CHCHD3: variants seen among roughly 807,000 people sequenced by gnomAD.
The protein encoded by CHCHD3 is coiled-coil-helix-coiled-coil-helix domain containing 3, also known as MICOS complex subunit MIC19.
A neutral mutation model predicts 38.2 loss-of-function variants in CHCHD3; 20 were observed. The ratio of observed to expected loss-of-function variants is 0.52; its 90% CI spans 0.37 to 0.76. CHCHD3 has a LOEUF of 0.76. CHCHD3 is among the 30% of genes least tolerant of loss of function. The pLI, the probability that CHCHD3 is intolerant of heterozygous loss-of-function variation, is 0.00. For synonymous variants in CHCHD3, 82 were observed against 100.0 expected (o/e 0.82, Z 1.07); for missense variants, 245 against 279.2 (o/e 0.88, Z 0.87).
At chr7:132,871,367 G>A (rs571949026) in intron 5 of CHCHD3, among the ~76,000 whole-genome samples, 60 of 152,232 alleles carry the variant, frequency 3.9e-4, no homozygotes, top group African/African-American at 1.3e-3. Flanking sequence ...TTAACAAATA[G>A]TTCTAGGGAC....
chr7:132,814,562 A>G (rs1405489496), intron 6 of CHCHD3, among the ~76,000 whole-genome samples: 1 of 152,240 alleles, frequency 6.6e-6, no homozygotes, highest in Non-Finnish European at 1.5e-5. Context: ...TAAATGCACC[A>G]TGGCTGAATG....
intron 2 of CHCHD3, among the ~76,000 whole-genome samples, chr7:133,029,267 A>G (rs1409822811): frequency 6.6e-6 from 1 of 152,202 alleles, no homozygotes; most frequent in Non-Finnish European, 1.5e-5. Context: ...CCACACAGTT[A>G]CCATTGGGGT....
intron 5 of CHCHD3, among the ~76,000 whole-genome samples, chr7:132,861,108 A>G (rs536975698): frequency 6.6e-6 from 1 of 152,214 alleles, no homozygotes; most frequent in East Asian, 1.9e-4. Context: ...TTGGAAGTAG[A>G]ATCAACAGAA....
chr7:132,978,984 AT>A lies in CHCHD3; in HGVS notation c.252-3699del, dbSNP rs1484458729. On this transcript the variant is annotated intron_variant, in intron 3 of 7. Coordinates refer to ENST00000262570, the MANE Select transcript of CHCHD3 (RefSeq NM_017812.4). ...GTATGGTGACTGTTTAAGAAACCAAATTTTTTGTCATCAGGGAGTTTGGCAG... is the reference window on the plus strand; with the variant it reads ...GTATGGTGACTGTTTAAGAAACCAAATTTTTGTCATCAGGGAGTTTGGCAG... Among the ~76,000 whole-genome samples, 5 of 152,174 alleles carry A rather than the reference AT, an allele frequency of 3.3e-5. No homozygotes were observed. The South Asian group carries it at 1.0e-3, about 32-fold the overall frequency.
chr7:133,034,818 C>A, intron 2 of CHCHD3: 3 of 1,611,682 alleles, frequency 1.9e-6, no homozygotes, highest in Non-Finnish European at 2.5e-6. Context: ...AATGGAGCTG[C>A]TATTGTTGGT....
chr7:132,924,114 T>A (rs1352048648), intron 4 of CHCHD3, among the ~76,000 whole-genome samples: 1 of 152,032 alleles, frequency 6.6e-6, no homozygotes, highest in African/African-American at 2.4e-5. Flanking sequence ...AAATAAGGAA[T>A]AGGAGGCAAA....
chr7:132,924,380 G>A (rs1027941874), intron 4 of CHCHD3, among the ~76,000 whole-genome samples: 2 of 152,014 alleles, frequency 1.3e-5, no homozygotes, highest in Admixed American at 1.3e-4. Flanking sequence ...AAAAAAGCTC[G>A]ATTATTTTTA....
At chr7:132,890,618 A>G (rs1035923404) in intron 4 of CHCHD3, among the ~76,000 whole-genome samples, 1 of 152,216 alleles carries the variant, frequency 6.6e-6, no homozygotes, top group Non-Finnish European at 1.5e-5. Flanking sequence ...TTTAAATGAC[A>G]AAGTTCCTTG....
At chr7:132,951,479 T>C (rs1027850308) in intron 4 of CHCHD3, among the ~76,000 whole-genome samples, 1 of 152,194 alleles carries the variant, frequency 6.6e-6, no homozygotes, top group African/African-American at 2.4e-5. Flanking sequence ...GAAACACATA[T>C]ACGAAGCCAT....
intron 1 of CHCHD3, among the ~76,000 whole-genome samples, chr7:133,071,897 C>G (rs1260847933): frequency 6.6e-6 from 1 of 152,132 alleles, no homozygotes; most frequent in Non-Finnish European, 1.5e-5. Context: ...CCAGAAAAAG[C>G]ATCCCTATAG....
At chr7:133,063,210 C>T (rs1238978912) in intron 2 of CHCHD3, among the ~76,000 whole-genome samples, 1 of 152,132 alleles carries the variant, frequency 6.6e-6, no homozygotes, top group Non-Finnish European at 1.5e-5. Flanking sequence ...AGAGATGAAT[C>T]AAGTAGCACA....
chr7:133,035,681 G>A lies in CHCHD3; in HGVS notation c.170-11054C>T. 1 of 1,613,078 alleles carries A rather than the reference G, an allele frequency of 6.2e-7. No homozygotes were observed. The highest frequency in any genetic ancestry group is 8.5e-7 in the Non-Finnish European group (1 of 1,179,280). ...GAGTACTTCCCCGCAGCTCCTCATT[G>A]CTCACATAGTAGGCAATGGCGTTGC... On this transcript the variant is annotated intron_variant, in intron 2 of 7. Transcript: ENST00000262570. This position sits in a 1 kb window ranked among gnomAD's most constrained non-coding sequence, Gnocchi z 4.7.
At chr7:132,824,581 T>C (rs2117073979) in intron 6 of CHCHD3, among the ~76,000 whole-genome samples, 1 of 152,292 alleles carries the variant, frequency 6.6e-6, no homozygotes, top group South Asian at 2.1e-4. Context: ...CCCAAAGTGC[T>C]GGGATTACAG....
intron 2 of CHCHD3, among the ~76,000 whole-genome samples, chr7:133,045,734 G>A (rs1178763335): frequency 2.0e-5 from 3 of 152,148 alleles, no homozygotes; most frequent in Non-Finnish European, 1.5e-5. Flanking sequence ...AATCGCCAGT[G>A]TTGGAGGTGA....
chr7:132,841,861 G>A (rs1807947199), intron 5 of CHCHD3, among the ~76,000 whole-genome samples: 1 of 152,172 alleles, frequency 6.6e-6, no homozygotes, highest in African/African-American at 2.4e-5. Context: ...ACTTTGGGAG[G>A]CAGAGGCGGG....
intron 4 of CHCHD3, among the ~76,000 whole-genome samples, chr7:132,893,100 C>A (rs1015768128): frequency 1.3e-5 from 2 of 152,172 alleles, no homozygotes; most frequent in Non-Finnish European, 2.9e-5. Flanking sequence ...GCACAGTGCA[C>A]CTGGAAACGT....
At chr7:132,800,588 A>G (rs1010481006) in intron 6 of CHCHD3, among the ~76,000 whole-genome samples, 6 of 151,900 alleles carry the variant, frequency 3.9e-5, no homozygotes, top group Non-Finnish European at 7.4e-5. Context: ...TCCTCACACC[A>G]CTCTCCACTC....
intron 6 of CHCHD3, 27 bp from the exon 7 acceptor site, chr7:132,796,604 G>A (rs771403979): frequency 3.1e-5 from 50 of 1,604,568 alleles, no homozygotes; most frequent in Middle Eastern, 3.3e-4. Flanking sequence ...GGACCGCTGA[G>A]ACCAATGGTC....
At chr7:132,827,426 A>T (rs1807534079) in intron 6 of CHCHD3, among the ~76,000 whole-genome samples, 1 of 152,198 alleles carries the variant, frequency 6.6e-6, no homozygotes, top group African/African-American at 2.4e-5. Flanking sequence ...TCAACAGACT[A>T]CATGTTGTGG....
Sources: gnomAD v4.1 joint callset for allele counts (sites outside exome capture counted in the v4.1 genomes callset) on GRCh38, gnomAD v4.1.1 for gene constraint, Gnocchi (gnomAD v3.1) non-coding constraint, MANE v1.5 for transcripts, NCBI Gene and HGNC (gene_info 2026-07-23, HGNC 2026-07-21) for gene names.